Variants in DOCK3 observed in about 807,000 individuals in gnomAD.
The protein encoded by DOCK3 is dedicator of cytokinesis protein 3.
Under a neutral mutation model 265.6 loss-of-function variants are expected in DOCK3, and 60 were observed. The observed-to-expected ratio is 0.23, with a 90% CI of 0.18 to 0.28. The LOEUF (loss-of-function observed/expected upper bound fraction) is 0.28. Ranked by LOEUF, DOCK3 falls within the 10% of genes least tolerant of loss-of-function variation. The probability of loss-of-function intolerance (pLI) is 1.00; values close to 1 mark genes in which losing one functional copy is unlikely to be tolerated. For synonymous variants in DOCK3, 881 were observed against 938.0 expected, an observed-to-expected ratio of 0.94 and a Z score of 1.11; for missense variants, 1,981 against 2,594.3, an observed-to-expected ratio of 0.76 and a Z score of 5.14.
intron 51 of DOCK3, among the ~76,000 whole-genome samples, chr3:51,377,869 AT>A (rs1476778098): frequency 6.6e-6 from 1 of 152,200 alleles, no homozygotes; most frequent in Non-Finnish European, 1.5e-5. Flanking sequence ...TGCATCTGAG[AT>A]CCTGGGCTGT....
At chr3:51,102,909 C>A (rs1468402984) in intron 9 of DOCK3, among the ~76,000 whole-genome samples, 1 of 152,154 alleles carries the variant, frequency 6.6e-6, no homozygotes, top group Non-Finnish European at 1.5e-5. Flanking sequence ...AGAAGGAATG[C>A]TCCAAATATG....
chr3:51,276,674 G>C (rs2080834838), intron 25 of DOCK3, among the ~76,000 whole-genome samples: 1 of 152,118 alleles, frequency 6.6e-6, no homozygotes, highest in Non-Finnish European at 1.5e-5. Flanking sequence ...AGCTCAATGA[G>C]AGCAGAGATA....
intron 12 of DOCK3, among the ~76,000 whole-genome samples, chr3:51,171,834 T>A (rs1458848066): frequency 3.3e-5 from 5 of 152,188 alleles, no homozygotes; most frequent in Non-Finnish European, 7.3e-5. Flanking sequence ...TATATGTCTG[T>A]TAGATCCACT....
intron 1 of DOCK3, among the ~76,000 whole-genome samples, chr3:50,677,106 T>C (rs2034026527): frequency 6.6e-6 from 1 of 152,208 alleles, no homozygotes; most frequent in South Asian, 2.1e-4. Context: ...TGTTATTCCC[T>C]TTGGAGGGCC....
At chr3:50,748,702 C>T (rs535145408) in intron 1 of DOCK3, among the ~76,000 whole-genome samples, 23 of 152,166 alleles carry the variant, frequency 1.5e-4, no homozygotes, top group Admixed American at 1.4e-3. Context: ...CCTCTTTCAT[C>T]GTGGTTTCTT....
rs141764962 is a variant in DOCK3, at chr3:51,137,480, C to T, written c.747-9069C>T. On this transcript the variant is annotated intron_variant, in intron 9 of 52. Transcript: ENST00000266037. Reference sequence around the variant, plus strand: ...GTACCCTCGTTGAGGATAAGAAACTCGTCTCTGCCTTAGTGCCGGGCATGG... The same window carrying T: ...GTACCCTCGTTGAGGATAAGAAACTTGTCTCTGCCTTAGTGCCGGGCATGG... 3.3e-3 allele frequency among the ~76,000 whole-genome samples: 501 copies of T among 152,278 alleles called. 5 individuals are homozygous for T. Among genetic ancestry groups the T allele is most frequent in the African/African-American group, 0.012 (484 of 41,532 alleles).
chr3:51,254,693 T>C (rs985577640), intron 22 of DOCK3, among the ~76,000 whole-genome samples: 4 of 152,216 alleles, frequency 2.6e-5, no homozygotes, highest in Non-Finnish European at 5.9e-5. Context: ...TTGCAACCCC[T>C]GCTTTTTTTT....
intron 1 of DOCK3, among the ~76,000 whole-genome samples, chr3:50,738,255 A>G (rs998758554): frequency 6.6e-6 from 1 of 152,074 alleles, no homozygotes; most frequent in African/African-American, 2.4e-5. Flanking sequence ...GTGCTGGTGT[A>G]CACCTGAGGT....
chr3:51,240,573 C>T (rs900051015), intron 21 of DOCK3, among the ~76,000 whole-genome samples: 4 of 152,152 alleles, frequency 2.6e-5, no homozygotes, highest in Non-Finnish European at 5.9e-5. Flanking sequence ...TCTTAAGTCT[C>T]TTTGAAGGTC....
chr3:51,255,679 C>G (rs1224775968), intron 22 of DOCK3, among the ~76,000 whole-genome samples: 1 of 152,228 alleles, frequency 6.6e-6, no homozygotes. Context: ...GTGCATGCAT[C>G]ACATAGTTCT....
intron 27 of DOCK3, among the ~76,000 whole-genome samples, chr3:51,304,829 G>A (rs916376656): frequency 6.6e-6 from 1 of 152,102 alleles, no homozygotes; most frequent in South Asian, 2.1e-4. Flanking sequence ...TAGATACCTT[G>A]GTTGCCACTG....
chr3:50,877,378 T>C (rs2047756255), intron 3 of DOCK3: 4 of 513,652 alleles, frequency 7.8e-6, no homozygotes, highest in Non-Finnish European at 1.6e-5. Context: ...CATAATCCAG[T>C]TATGGTCAGG....
chr3:51,153,547 G>T (rs2107435492), intron 10 of DOCK3, among the ~76,000 whole-genome samples: 1 of 152,298 alleles, frequency 6.6e-6, no homozygotes, highest in Non-Finnish European at 1.5e-5. Flanking sequence ...GATGAACCAG[G>T]TACCTTAGTT....
chr3:50,900,874 A>T, intron 4 of DOCK3: 2 of 423,830 alleles, frequency 4.7e-6, no homozygotes, highest in South Asian at 3.4e-5. Flanking sequence ...CACCCACCAG[A>T]TGCCAGCCAG....
chr3:51,015,297 G>C (rs2079108084), intron 5 of DOCK3, among the ~76,000 whole-genome samples: 1 of 152,016 alleles, frequency 6.6e-6, no homozygotes, highest in East Asian at 1.9e-4. Context: ...CTGTGTTGAA[G>C]TATGTTTCTA....
At chr3:51,226,989 C>G (rs1304767204) in intron 15 of DOCK3, among the ~76,000 whole-genome samples, 1 of 152,056 alleles carries the variant, frequency 6.6e-6, no homozygotes, top group African/African-American at 2.4e-5. Flanking sequence ...GGATGAGGAG[C>G]CTACCTTGGT....
intron 1 of DOCK3, among the ~76,000 whole-genome samples, chr3:50,705,696 T>C (rs1002750170): frequency 8.5e-5 from 13 of 152,126 alleles, no homozygotes; most frequent in Non-Finnish European, 1.6e-4. Context: ...ATTACAGGCA[T>C]GAGCTACCCT....
chr3:50,806,615 G>C (rs1196453817), intron 2 of DOCK3, among the ~76,000 whole-genome samples: 1 of 151,926 alleles, frequency 6.6e-6, no homozygotes, highest in African/African-American at 2.4e-5. Context: ...AGCAGCGGGG[G>C]TTGGTTTCCC....
chr3:51,143,575 T>A (rs2085165262), intron 9 of DOCK3, among the ~76,000 whole-genome samples: 1 of 152,158 alleles, frequency 6.6e-6, no homozygotes, highest in African/African-American at 2.4e-5. Flanking sequence ...CAGCCCTCAC[T>A]GTGTTTTTAA....
Sources: gnomAD v4.1 joint callset for allele counts (sites outside exome capture counted in the v4.1 genomes callset) on GRCh38, gnomAD v4.1.1 for gene constraint, MANE v1.5 for transcripts, NCBI Gene and HGNC (gene_info 2026-07-23, HGNC 2026-07-21) for gene names.